The following USP10 variants were observed in gnomAD, a reference collection of about 807,000 sequenced individuals.
The protein encoded by USP10 is ubiquitin carboxyl-terminal hydrolase 10.
Under a neutral mutation model 84.5 loss-of-function variants are expected in USP10, and 22 were observed. The observed-to-expected ratio is 0.26, with a 90% CI of 0.19 to 0.37. USP10 has a LOEUF of 0.37. USP10 is among the 10% of genes least tolerant of loss of function. The probability of loss-of-function intolerance (pLI) is 1.00; values close to 1 mark genes in which losing one functional copy is unlikely to be tolerated. For synonymous variants in USP10, 454 were observed against 387.6 expected, an observed-to-expected ratio of 1.17 and a Z score of -2.01; for missense variants, 1,019 against 998.9, an observed-to-expected ratio of 1.02 and a Z score of -0.27.
chr16:84,719,127 T>C (rs1006694939), intron 1 of USP10, among the ~76,000 whole-genome samples: 13 of 152,200 alleles, frequency 8.5e-5, no homozygotes, highest in African/African-American at 2.9e-4. Flanking sequence ...TTTTTGCCTT[T>C]ATTAACTTGT....
intron 4 of USP10, among the ~76,000 whole-genome samples, chr16:84,752,616 C>T (rs964288027): frequency 6.6e-6 from 1 of 152,190 alleles, no homozygotes; most frequent in Non-Finnish European, 1.5e-5. Flanking sequence ...GGTATTAGTT[C>T]TGGCTTGTCC....
chr16:84,769,963 G>C (rs1041407239), intron 11 of USP10, among the ~76,000 whole-genome samples: 36 of 152,302 alleles, frequency 2.4e-4, no homozygotes, highest in Middle Eastern at 3.4e-3. Context: ...AAGAAGGCGG[G>C]CCAGGTGTGG....
At chr16:84,756,293 T>G (rs1258246152) in intron 4 of USP10, among the ~76,000 whole-genome samples, 2 of 152,194 alleles carry the variant, frequency 1.3e-5, no homozygotes, top group Non-Finnish European at 2.9e-5. Flanking sequence ...AGGCAGCATG[T>G]TATTTAACAA....
chr16:84,757,193 C>T (rs1912645460), intron 4 of USP10, among the ~76,000 whole-genome samples: 1 of 152,104 alleles, frequency 6.6e-6, no homozygotes, highest in African/African-American at 2.4e-5. Context: ...GTAACTGATC[C>T]ATTATTCATT....
intron 1 of USP10, among the ~76,000 whole-genome samples, chr16:84,723,127 C>G (rs72797570): frequency 0.02 from 2,951 of 150,310 alleles, 49 homozygotes; most frequent in Non-Finnish European, 0.033. Flanking sequence ...GGCTCCGATA[C>G]CTTCTGATCA....
chr16:84,768,745 G>A (rs1477996303), intron 11 of USP10, among the ~76,000 whole-genome samples: 1 of 152,174 alleles, frequency 6.6e-6, no homozygotes, highest in African/African-American at 2.4e-5. Flanking sequence ...AGAGATTCCA[G>A]ACACATCTGT....
intron 1 of USP10, among the ~76,000 whole-genome samples, chr16:84,726,592 T>C (rs1023375959): frequency 1.3e-5 from 2 of 152,230 alleles, no homozygotes; most frequent in Admixed American, 6.5e-5. Flanking sequence ...TGGTGTGGGC[T>C]TGCCCCCCTT....
chr16:84,775,274 G>A (rs1914882176), intron 13 of USP10, 49 bp downstream of exon 13: 2 of 1,578,178 alleles, frequency 1.3e-6, no homozygotes, highest in Middle Eastern at 1.7e-4. Flanking sequence ...ACTGATGAAG[G>A]GGTTTACAGC....
intron 1 of USP10, among the ~76,000 whole-genome samples, chr16:84,726,922 A>G (rs1597313130): frequency 6.6e-6 from 1 of 152,024 alleles, no homozygotes; most frequent in Non-Finnish European, 1.5e-5. Flanking sequence ...CCTCCTTTTG[A>G]CCCCAGTGTT....
Position 84,744,639 on chromosome 16 carries a change from A to C in USP10, c.158A>C (p.Glu53Ala). 1.9e-6 allele frequency: 3 copies of C among 1,606,912 alleles called. No homozygotes were observed. The highest frequency in any genetic ancestry group is 2.6e-6 in the Non-Finnish European group (3 of 1,175,270). ...QAVDKLPDGQ[E>A]YQRIEFGVDE... The stretch of plus-strand genomic sequence containing the variant: ...TAGTTTTCTTTCTAAACAGGACAAG[A>C]ATATCAGAGAATTGAGTTTGGTGTC... Residue 53 changes from glutamate to alanine, a missense_variant, in exon 4 of 14, where the codon GAA (glutamate) becomes GCA (alanine). Glu to Ala is a moderately radical substitution (Grantham distance 107). Transcript: ENST00000219473.
At chr16:84,715,338 A>G (rs1485820643) in intron 1 of USP10, among the ~76,000 whole-genome samples, 1 of 152,266 alleles carries the variant, frequency 6.6e-6, no homozygotes, top group Non-Finnish European at 1.5e-5. Flanking sequence ...CTTTGTGTAT[A>G]ATGGATAGCT....
intron 8 of USP10, 114 bp from the exon 9 acceptor site, chr16:84,762,875 C>A: frequency 1.7e-6 from 1 of 593,504 alleles, no homozygotes; most frequent in Non-Finnish European, 3.0e-6. Flanking sequence ...TTTGGAAATA[C>A]TTTACATCTT....
rs1453660238 is a variant in USP10, at chr16:84,701,056, T to A, written c.21+945T>A. Among the ~76,000 whole-genome samples, 7 of 152,336 alleles carry A rather than the reference T, an allele frequency of 4.6e-5. No homozygotes were observed. In the East Asian group the frequency reaches 1.3e-3, roughly 29 times the overall value. Reference sequence around the variant, plus strand: ...TTTAAACCATCTCATTGTGTATTTGTATTAAATATGGGGAAATGAAACAAA... The same window carrying A: ...TTTAAACCATCTCATTGTGTATTTGAATTAAATATGGGGAAATGAAACAAA... On this transcript the variant is annotated intron_variant, in intron 1 of 13. Transcript: ENST00000219473.
At chr16:84,711,268 C>G (rs377674468) in intron 1 of USP10, among the ~76,000 whole-genome samples, 1 of 152,290 alleles carries the variant, frequency 6.6e-6, no homozygotes. Context: ...AATGTAAGTA[C>G]ACATGTGTTC....
chr16:84,765,425 C>A (rs554103882), intron 10 of USP10, among the ~76,000 whole-genome samples: 9 of 152,016 alleles, frequency 5.9e-5, no homozygotes, highest in African/African-American at 2.2e-4. Context: ...ATCTTCCATT[C>A]CCACTCGCCA....
In USP10 at chr16:84,700,072, C is replaced by A; in HGVS notation, c.-19C>A. ...GTGAGCAGCCGGAGGATCGCGGAGT[C>A]CCAATGAAACGGGCAGCCATGGCCC... is the stretch of plus-strand genomic sequence containing the variant. On this transcript the variant is annotated 5_prime_UTR_variant, in exon 1 of 14. Coordinates refer to ENST00000219473, the MANE Select transcript of USP10 (RefSeq NM_005153.3). The A allele has an allele frequency of 2.2e-6, 3 of 1,373,686 alleles. No individual in the cohort carries two copies. The highest frequency in any genetic ancestry group is 2.9e-6 in the Non-Finnish European group (3 of 1,043,546). The allele number at this position is 1,373,686 out of a possible 1,614,324, so 85.1% of individuals were successfully genotyped here. A position where few individuals can be genotyped will look rare whatever the true frequency, so the allele number is the denominator to read the frequency against.
At chr16:84,704,277 G>T (rs1389488796) in intron 1 of USP10, among the ~76,000 whole-genome samples, 1 of 152,198 alleles carries the variant, frequency 6.6e-6, no homozygotes, top group Non-Finnish European at 1.5e-5. Context: ...ACTTATTACT[G>T]GTACTATACC....
chr16:84,766,180 C>A (rs1913839673), intron 10 of USP10, among the ~76,000 whole-genome samples: 1 of 152,222 alleles, frequency 6.6e-6, no homozygotes, highest in African/African-American at 2.4e-5. Flanking sequence ...ACCTCAGAAA[C>A]CTGCGCTGAC....
rs563500633 is a variant in USP10, at chr16:84,766,521, A to G, written c.1833-1672A>G. 4.6e-5 allele frequency among the ~76,000 whole-genome samples: 7 copies of G among 152,206 alleles called. No homozygotes were observed. The East Asian group carries it at 1.4e-3, about 29-fold the overall frequency. On this transcript the variant is annotated intron_variant, in intron 10 of 13. Transcript: ENST00000219473. Reference sequence around the variant, plus strand: ...CAGCCTGGTTTAGGATTGTGAGGACACCCCCTCGGGATGGGAGAGAAAGAT... The same window carrying G: ...CAGCCTGGTTTAGGATTGTGAGGACGCCCCCTCGGGATGGGAGAGAAAGAT...
Sources: gnomAD v4.1 joint callset for allele counts (sites outside exome capture counted in the v4.1 genomes callset) on GRCh38, gnomAD v4.1.1 for gene constraint, MANE v1.5 for transcripts, NCBI Gene and HGNC (gene_info 2026-07-23, HGNC 2026-07-21) for gene names.